OSBPL3: variants seen among roughly 807,000 people sequenced by gnomAD.
OSBPL3 encodes the protein oxysterol-binding protein-related protein 3.
A neutral mutation model predicts 120.1 loss-of-function variants in OSBPL3; 65 were observed. That is an observed-to-expected ratio of 0.54 (90% confidence interval 0.44 to 0.67). OSBPL3 has a LOEUF of 0.67. OSBPL3 is among the 30% of genes least tolerant of loss of function. OSBPL3 has a pLI of 0.00. For synonymous variants in OSBPL3, 416 were observed against 402.6 expected, an observed-to-expected ratio of 1.03 and a Z score of -0.40; for missense variants, 1,004 against 1,082.1, an observed-to-expected ratio of 0.93 and a Z score of 1.01.
intron 1 of OSBPL3, among the ~76,000 whole-genome samples, chr7:24,978,921 G>T (rs1817879472): frequency 6.6e-6 from 1 of 152,238 alleles, no homozygotes; most frequent in African/African-American, 2.4e-5. Context: ...AAGGCAGCAA[G>T]CAAGTTGCGT....
rs1584481604 is a variant in OSBPL3, at chr7:24,879,498, G to A, written c.97-7429C>T. ...ATCCAGATAATTCAGGCCCCAGAAT[G>A]TTTCAAGTCTTACTACTTGGTTAGC... On this transcript the variant is annotated intron_variant, in intron 2 of 22. Transcript: ENST00000313367. This position sits in a 1 kb window ranked among gnomAD's most constrained non-coding sequence, Gnocchi z 5.6. Among the ~76,000 whole-genome samples the A allele has an allele frequency of 6.6e-6, 1 of 152,188 alleles. No individual in the cohort carries two copies. Among genetic ancestry groups the A allele is most frequent in the East Asian group, 1.9e-4 (1 of 5,190 alleles).
chr7:24,865,230 A>G (rs1438677754), intron 7 of OSBPL3, 112 bp downstream of exon 7: 6 of 1,122,586 alleles, frequency 5.3e-6, no homozygotes, highest in Non-Finnish European at 7.7e-6. Flanking sequence ...CAAAATATGG[A>G]AGGGAATGTG....
Position 24,804,922 on chromosome 7 carries a change from A to G in OSBPL3, c.2445-485T>C, listed in dbSNP as rs150930843. On this transcript the variant is annotated intron_variant, in intron 21 of 22. Coordinates refer to ENST00000313367, the MANE Select transcript of OSBPL3 (RefSeq NM_015550.4). The surrounding 1 kb of genome is among the most constrained non-coding windows in gnomAD (Gnocchi z 5.4). The stretch of plus-strand genomic sequence containing the variant: ...TACAGATCTTTCCATGGATGTACAT[A>G]CATCTTCATTTTTTAATAGCCACAT... Among the ~76,000 whole-genome samples the G allele has an allele frequency of 1.5e-3, 224 of 152,322 alleles. 2 individuals are homozygous for G. The highest frequency in any genetic ancestry group is 5.1e-3 in the African/African-American group (210 of 41,574).
chr7:24,869,015 T>C (rs928052825), intron 5 of OSBPL3, among the ~76,000 whole-genome samples: 3 of 152,140 alleles, frequency 2.0e-5, no homozygotes, highest in African/African-American at 7.2e-5. Flanking sequence ...CCCTTATCTA[T>C]AAAATAAATG....
chr7:24,880,793 G>C (rs1309862287), intron 2 of OSBPL3, among the ~76,000 whole-genome samples: 2 of 152,160 alleles, frequency 1.3e-5, no homozygotes, highest in African/African-American at 4.8e-5. Context: ...GTATGAAGGG[G>C]AGAAAAACTC....
Position 24,863,998 on chromosome 7 carries a change from T to C in OSBPL3, c.674-399A>G, listed in dbSNP as rs1351968004. 6.6e-6 allele frequency among the ~76,000 whole-genome samples: 1 copy of C among 152,230 alleles called. No individual in the cohort carries two copies. The highest frequency in any genetic ancestry group is 2.4e-5 in the African/African-American group (1 of 41,470). ...TAAGAACTAAATAAATCAACCATCA[T>C]CATCATCATCATCACCAACTTAAAT... On this transcript the variant is annotated intron_variant, in intron 7 of 22. Transcript: ENST00000313367. The surrounding 1 kb of genome is among the most constrained non-coding windows in gnomAD (Gnocchi z 5.8).
Position 24,820,552 on chromosome 7 carries a change from G to A in OSBPL3, c.1885-314C>T, listed in dbSNP as rs1410267677. On this transcript the variant is annotated intron_variant, in intron 16 of 22. Transcript: ENST00000313367. The surrounding 1 kb of genome is among the most constrained non-coding windows in gnomAD (Gnocchi z 4.6). ...TGAAAGACATAAAAATAAAAACGGA[G>A]ACATGTGAGGACTGCTCATCCATAA... Among the ~76,000 whole-genome samples, 8 of 152,156 alleles carry A rather than the reference G, an allele frequency of 5.3e-5. No individual in the cohort carries two copies. Among genetic ancestry groups the A allele is most frequent in the Admixed American group, 5.2e-4 (8 of 15,276 alleles).
intron 1 of OSBPL3, among the ~76,000 whole-genome samples, chr7:24,945,589 G>C (rs1187235982): frequency 6.6e-6 from 1 of 152,246 alleles, no homozygotes. Context: ...GGTTGAACAT[G>C]TTGAAAGTGG....
chr7:24,969,551 A>G (rs531937557), intron 1 of OSBPL3, among the ~76,000 whole-genome samples: 5 of 152,286 alleles, frequency 3.3e-5, no homozygotes. Flanking sequence ...CTTATTATTA[A>G]AAGTGTATTG....
intron 1 of OSBPL3, among the ~76,000 whole-genome samples, chr7:24,949,819 C>T (rs1814173763): frequency 6.6e-6 from 1 of 152,144 alleles, no homozygotes; most frequent in African/African-American, 2.4e-5. Flanking sequence ...TATTGACTTT[C>T]TCCTTCCCTG....
chr7:24,867,241 C>T lies in OSBPL3; in HGVS notation c.382-1004G>A, dbSNP rs1282252949. On this transcript the variant is annotated intron_variant, in intron 5 of 22. Transcript: ENST00000313367. This position sits in a 1 kb window ranked among gnomAD's most constrained non-coding sequence, Gnocchi z 4.5. ...CTATCCCTACTGAAAATATTAGCAC[C>T]ATTTTTCTTTTTAAACTCTTTTATA... Among the ~76,000 whole-genome samples the T allele has an allele frequency of 6.6e-6, 1 of 152,194 alleles. No homozygotes were observed. Among genetic ancestry groups the T allele is most frequent in the Non-Finnish European group, 1.5e-5 (1 of 68,032 alleles).
intron 1 of OSBPL3, among the ~76,000 whole-genome samples, chr7:24,979,564 C>CTCCGCGCGCCGCGTCCT (rs1290227686): frequency 1.3e-5 from 2 of 152,216 alleles, no homozygotes; most frequent in African/African-American, 4.8e-5. Context: ...CCCAGGACAG[C>CTCCGCGCGCCGCGTCCT]TCCGCGCGCC....
rs764627268 is a variant in OSBPL3, at chr7:24,840,848, C to A, written c.1402-65G>T. On this transcript the variant is annotated intron_variant, in intron 13 of 22. Transcript: ENST00000313367. ...AAACAAGAGCCAGATTTTCATAAAA[C>A]CCTTACTCTAAATGATCAAACATGT... 134 of 724,756 alleles carry A rather than the reference C, an allele frequency of 1.8e-4. 1 individual carries two copies. Among genetic ancestry groups the A allele is most frequent in the Non-Finnish European group, 2.8e-4 (119 of 428,802 alleles). 44.9% of individuals were successfully genotyped at this position (724,756 alleles called of 1,614,324 possible).
At position 24,822,721 on chromosome 7, in the gene OSBPL3, T is replaced by C. The variant is rs1238739376; in HGVS notation, c.1885-2483A>G. On this transcript the variant is annotated intron_variant, in intron 16 of 22. Coordinates refer to ENST00000313367, the MANE Select transcript of OSBPL3 (RefSeq NM_015550.4). The surrounding 1 kb of genome is among the most constrained non-coding windows in gnomAD (Gnocchi z 5.8). ...TAAAAACCATACGCCTCTTCTGTAA[T>C]AATTTTAAACCCCATAAAACAGGGA... Among the ~76,000 whole-genome samples the C allele has an allele frequency of 6.6e-6, 1 of 152,206 alleles. No individual in the cohort carries two copies. The highest frequency in any genetic ancestry group is 1.9e-4 in the East Asian group (1 of 5,204).
Position 24,863,447 on chromosome 7 carries a change from G to T in OSBPL3, c.777+49C>A. 1 of 1,501,076 alleles carries T rather than the reference G, an allele frequency of 6.7e-7. No homozygotes were observed. Among genetic ancestry groups the T allele is most frequent in the South Asian group, 1.1e-5 (1 of 88,762 alleles). The allele number at this position is 1,501,076 out of a possible 1,614,324, so 93.0% of individuals were successfully genotyped here. On this transcript the variant is annotated intron_variant, in intron 8 of 22. Coordinates refer to ENST00000313367, the MANE Select transcript of OSBPL3 (RefSeq NM_015550.4). This position sits in a 1 kb window ranked among gnomAD's most constrained non-coding sequence, Gnocchi z 5.8. ...GTTAGTGAAAGGCTGGGAGGAGAAA[G>T]GAAAGCAGAAGAGGGCCAGAATGTC...
intron 16 of OSBPL3, among the ~76,000 whole-genome samples, chr7:24,825,311 A>AC (rs1795579473): frequency 2.0e-5 from 3 of 152,152 alleles, no homozygotes; most frequent in Non-Finnish European, 4.4e-5. Flanking sequence ...CTGAAGGGAG[A>AC]CCCCAGGATT....
Position 24,852,430 on chromosome 7 carries a change from G to T in OSBPL3, c.1158+74C>A. On this transcript the variant is annotated intron_variant, in intron 11 of 22. Transcript: ENST00000313367. This position sits in a 1 kb window ranked among gnomAD's most constrained non-coding sequence, Gnocchi z 4.1. ...TCTCCTGAATTTTCAACATAATCAT[G>T]GAAATAGAAATTACAAACCATTCAT... 1 of 1,261,172 alleles carries T rather than the reference G, an allele frequency of 7.9e-7. No individual in the cohort carries two copies. Among genetic ancestry groups the T allele is most frequent in the Non-Finnish European group, 1.0e-6 (1 of 954,948 alleles). 78.1% of individuals were successfully genotyped at this position (1,261,172 alleles called of 1,614,324 possible). A position where few individuals can be genotyped will look rare whatever the true frequency, so the allele number is the denominator to read the frequency against.
rs1464588751 is a variant in OSBPL3 at position 24,952,086 on chromosome 7, C to T, written c.-150+27800G>A. 1.3e-5 allele frequency among the ~76,000 whole-genome samples: 2 copies of T among 152,242 alleles called. No individual in the cohort carries two copies. The highest frequency in any genetic ancestry group is 2.1e-4 in the South Asian group (1 of 4,804). ...ACGAATGAATGTAGAGGGGCCTCCCCACCGGCCATTCTTTCAAGCTTCAAA... is the reference window on the plus strand; with the variant it reads ...ACGAATGAATGTAGAGGGGCCTCCCTACCGGCCATTCTTTCAAGCTTCAAA... On this transcript the variant is annotated intron_variant, in intron 1 of 22. Transcript: ENST00000313367. This position sits in a 1 kb window ranked among gnomAD's most constrained non-coding sequence, Gnocchi z 4.4.
chr7:24,905,806 G>A (rs1807822456), intron 1 of OSBPL3, among the ~76,000 whole-genome samples: 1 of 152,190 alleles, frequency 6.6e-6, no homozygotes, highest in African/African-American at 2.4e-5. Context: ...CGAGGTGGGT[G>A]GATCACTTGA....
Sources: gnomAD v4.1 joint callset for allele counts (sites outside exome capture counted in the v4.1 genomes callset) on GRCh38, gnomAD v4.1.1 for gene constraint, Gnocchi (gnomAD v3.1) non-coding constraint, MANE v1.5 for transcripts, NCBI Gene and HGNC (gene_info 2026-07-23, HGNC 2026-07-21) for gene names.